The following FGD4 variants were observed in gnomAD, a reference collection of about 807,000 sequenced individuals.
FGD4 encodes the protein FYVE, RhoGEF and PH domain-containing protein 4.
In FGD4, 42 loss-of-function variants were observed where a neutral mutation model predicts 102.0. That is an observed-to-expected ratio of 0.41 (90% CI 0.32 to 0.53). FGD4 has a LOEUF of 0.53. Among genes scored for constraint, FGD4 ranks in the 20% least tolerant of loss-of-function variants. FGD4 has a pLI of 0.21. For synonymous variants in FGD4, 380 were observed against 375.7 expected, an observed-to-expected ratio of 1.01 and a Z score of -0.13; for missense variants, 902 against 1,078.2, an observed-to-expected ratio of 0.84 and a Z score of 2.29.
chr12:32,617,759 T>A (rs1949533793), intron 10 of FGD4, among the ~76,000 whole-genome samples: 1 of 152,190 alleles, frequency 6.6e-6, no homozygotes, highest in Non-Finnish European at 1.5e-5. Flanking sequence ...TTGTGAAAGG[T>A]GGTGGTGGCT....
chr12:32,564,075 T>TAA, intron 1 of FGD4, 62 bp from the exon 2 acceptor site: 1 of 1,455,926 alleles, frequency 6.9e-7, no homozygotes, highest in Non-Finnish European at 9.1e-7. Flanking sequence ...AAATTTAACT[T>TAA]ATAAGGCAGT....
chr12:32,400,525 A>G lies in FGD4; in HGVS notation c.166+566A>G, dbSNP rs544708333. On this transcript the variant is annotated intron_variant, in intron 1 of 16. Coordinates refer to ENST00000534526, the MANE Select transcript of FGD4 (RefSeq NM_001370298.3). ...GCTGTTTTCATGTTAATAGGTTCAG[A>G]TGTCAGTAATGCGGTGTTTTGATTT... 8.5e-5 allele frequency among the ~76,000 whole-genome samples: 13 copies of G among 152,342 alleles called. 1 individual carries two copies. In the South Asian group the frequency reaches 2.7e-3, roughly 32 times the overall value.
chr12:32,498,093 G>A lies in FGD4; in HGVS notation c.167-66044G>A, dbSNP rs375950769. Among the ~76,000 whole-genome samples, 5 of 152,266 alleles carry A rather than the reference G, an allele frequency of 3.3e-5. No individual in the cohort carries two copies. The South Asian group carries it at 6.2e-4, about 19-fold the overall frequency. ...TGGCTAAACAGGAACTAGAGTCTAGGTTTCTGAATTTATAATTAGGGAGTT... is the reference window on the plus strand; with the variant it reads ...TGGCTAAACAGGAACTAGAGTCTAGATTTCTGAATTTATAATTAGGGAGTT... On this transcript the variant is annotated intron_variant, in intron 1 of 16. Coordinates refer to ENST00000534526, the MANE Select transcript of FGD4 (RefSeq NM_001370298.3).
intron 1 of FGD4, among the ~76,000 whole-genome samples, chr12:32,457,595 GT>G (rs1942980673): frequency 6.6e-6 from 1 of 152,198 alleles, no homozygotes; most frequent in Admixed American, 6.5e-5. Context: ...AACATGTACT[GT>G]TAACAGTGTT....
At chr12:32,418,952 C>G (rs1205778631) in intron 1 of FGD4, among the ~76,000 whole-genome samples, 1 of 152,192 alleles carries the variant, frequency 6.6e-6, no homozygotes, top group Admixed American at 6.5e-5. Context: ...CCACTCTTCC[C>G]TCCCCTTTCC....
In FGD4 at chr12:32,479,786, C is replaced by CTTT. The variant is rs559968024; in HGVS notation, c.166+79845_166+79847dup. ...GCAGAAAAATTTATAAAGCATTATTCTTTTTTTTTTTTTTTTTTTTGAGAT... is the reference window on the plus strand; with the variant it reads ...GCAGAAAAATTTATAAAGCATTATTCTTTTTTTTTTTTTTTTTTTTTTTGAGAT... On this transcript the variant is annotated intron_variant, in intron 1 of 16. Transcript: ENST00000534526. 1.1e-3 allele frequency among the ~76,000 whole-genome samples: 120 copies of CTTT among 106,582 alleles called. 1 individual carries two copies. Among genetic ancestry groups the CTTT allele is most frequent in the African/African-American group, 3.2e-3 (97 of 30,110 alleles). The allele number at this position is 106,582 out of a possible 152,430, so 69.9% of individuals were successfully genotyped here.
intron 1 of FGD4, among the ~76,000 whole-genome samples, chr12:32,563,398 C>A (rs548100074): frequency 2.8e-5 from 4 of 144,052 alleles, no homozygotes; most frequent in African/African-American, 1.0e-4. Flanking sequence ...ACATCTCAGA[C>A]GATGGGCGGC....
intron 1 of FGD4, among the ~76,000 whole-genome samples, chr12:32,481,278 AATATAAAAATTAGCTGGCC>A (rs1294112371): frequency 6.6e-6 from 1 of 152,064 alleles, no homozygotes; most frequent in Non-Finnish European, 1.5e-5. Context: ...CTCTAGTAAA[AATATAAAAATTAGCTGGCC>A]ATACAAAAAT....
chr12:32,474,660 A>G (rs1181116624), intron 1 of FGD4, among the ~76,000 whole-genome samples: 1 of 152,200 alleles, frequency 6.6e-6, no homozygotes, highest in Non-Finnish European at 1.5e-5. Flanking sequence ...CTGTAATCCC[A>G]GCACCTTGGG....
At chr12:32,480,646 A>G (rs578021119) in intron 1 of FGD4, among the ~76,000 whole-genome samples, 213 of 150,862 alleles carry the variant, frequency 1.4e-3, no homozygotes, top group African/African-American at 2.4e-3. Context: ...GATTACAGGC[A>G]CGCACCACCA....
At chr12:32,553,183 C>A (rs112858804) in intron 1 of FGD4, among the ~76,000 whole-genome samples, 89 of 152,114 alleles carry the variant, frequency 5.9e-4, no homozygotes, top group African/African-American at 2.0e-3. Context: ...GAGTGTTGGA[C>A]CTCTGGAGCC....
At position 32,643,276 on chromosome 12, in the gene FGD4, GTCA is replaced by G. The variant is rs1219578350; in HGVS notation, c.*2748_*2750del. 6.6e-6 allele frequency: 1 copy of G among 152,428 alleles called. No individual in the cohort carries two copies. The highest frequency in any genetic ancestry group is 1.9e-4 in the East Asian group (1 of 5,200). 9.4% of individuals were successfully genotyped at this position (152,428 alleles called of 1,614,324 possible). On this transcript the variant is annotated 3_prime_UTR_variant, in exon 17 of 17. Coordinates refer to ENST00000534526, the MANE Select transcript of FGD4 (RefSeq NM_001370298.3). ...ACTTTTGTAATAATGGCATCACAGT[GTCA>G]TCATGTATGCAAGCAATAAAACTCT... is the stretch of plus-strand genomic sequence containing the variant.
At chr12:32,553,408 TAA>T (rs1268145452) in intron 1 of FGD4, among the ~76,000 whole-genome samples, 1 of 152,242 alleles carries the variant, frequency 6.6e-6, no homozygotes, top group African/African-American at 2.4e-5. Flanking sequence ...AGGCACTCAG[TAA>T]ATAATTATGG....
At chr12:32,423,705 T>C (rs1225862145) in intron 1 of FGD4, among the ~76,000 whole-genome samples, 1 of 151,878 alleles carries the variant, frequency 6.6e-6, no homozygotes, top group Non-Finnish European at 1.5e-5. Flanking sequence ...TTATCTTTGA[T>C]CACATGCTAA....
At position 32,453,213 on chromosome 12, in the gene FGD4, TATATATAATATAG is replaced by T. The variant is rs753505745; in HGVS notation, c.166+53262_166+53274del. ...TTTATATATATATTATATATATATA[TATATATAATATAG>T]ATATATATATATTTTTTTTTTTTTA... On this transcript the variant is annotated intron_variant, in intron 1 of 16. Coordinates refer to ENST00000534526, the MANE Select transcript of FGD4 (RefSeq NM_001370298.3). 4.7e-3 allele frequency among the ~76,000 whole-genome samples: 237 copies of T among 50,468 alleles called. 3 individuals are homozygous for T. The highest frequency in any genetic ancestry group is 0.01 in the East Asian group (19 of 1,860). 33.1% of individuals were successfully genotyped at this position (50,468 alleles called of 152,430 possible).
At chr12:32,570,390 T>C (rs1392212634) in intron 2 of FGD4, among the ~76,000 whole-genome samples, 2 of 152,080 alleles carry the variant, frequency 1.3e-5, no homozygotes, top group Non-Finnish European at 2.9e-5. Context: ...TCCTTTGGAC[T>C]GTTAGGTCTT....
intron 1 of FGD4, among the ~76,000 whole-genome samples, chr12:32,414,439 T>C (rs1439233419): frequency 6.6e-6 from 1 of 152,176 alleles, no homozygotes; most frequent in Non-Finnish European, 1.5e-5. Context: ...TGTGTTACAA[T>C]CCAATTACAC....
intron 10 of FGD4, among the ~76,000 whole-genome samples, chr12:32,613,592 C>CA (rs965746218): frequency 9.2e-5 from 14 of 151,758 alleles, no homozygotes; most frequent in Non-Finnish European, 2.9e-5. Flanking sequence ...CCTGTCTCTA[C>CA]AAAAAATTTA....
intron 1 of FGD4, among the ~76,000 whole-genome samples, chr12:32,408,923 T>C (rs1282695490): frequency 6.6e-6 from 1 of 152,184 alleles, no homozygotes; most frequent in African/African-American, 2.4e-5. Flanking sequence ...CTCCTCGTCT[T>C]CATTGGGGGT....
Sources: allele counts gnomAD v4.1 joint callset (sites outside exome capture counted in the v4.1 genomes callset), GRCh38; gene constraint gnomAD v4.1.1; transcripts MANE v1.5; gene names NCBI Gene and HGNC (gene_info 2026-07-23, HGNC 2026-07-21).